The following RAD51B variants were observed in gnomAD, a reference collection of about 807,000 sequenced individuals.
RAD51B encodes RAD51 paralog B.
In RAD51B, 38 loss-of-function variants were observed where a neutral mutation model predicts 42.2. That is an observed-to-expected ratio of 0.90 (90% CI 0.70 to 1.18). The LOEUF (loss-of-function observed/expected upper bound fraction) is 1.18. RAD51B is among the 50% of genes most tolerant of loss of function. The probability of loss-of-function intolerance (pLI) is 0.00; values close to 1 mark genes in which losing one functional copy is unlikely to be tolerated. For synonymous variants in RAD51B, 154 were observed against 145.2 expected (o/e 1.06, Z -0.43); for missense variants, 373 against 400.7 (o/e 0.93, Z 0.59).
chr14:67,882,236 G>A (rs2042929470), intron 5 of RAD51B, among the ~76,000 whole-genome samples: 1 of 152,076 alleles, frequency 6.6e-6, no homozygotes, highest in Non-Finnish European at 1.5e-5. Flanking sequence ...GCCTCCTAAA[G>A]TGTTGGGATT....
At chr14:68,355,540 C>T (rs2082882152) in intron 8 of RAD51B, among the ~76,000 whole-genome samples, 1 of 152,186 alleles carries the variant, frequency 6.6e-6, no homozygotes, top group Non-Finnish European at 1.5e-5. Context: ...GTAAATACCT[C>T]CCTGGAACCG....
chr14:68,551,010 G>A (rs1317744107), intron 10 of RAD51B, among the ~76,000 whole-genome samples: 1 of 152,142 alleles, frequency 6.6e-6, no homozygotes, highest in African/African-American at 2.4e-5. Flanking sequence ...GGGTACAAAA[G>A]TTTCAAATTA....
At chr14:68,638,519 C>T (rs1892386611) in intron 10 of RAD51B, among the ~76,000 whole-genome samples, 1 of 152,078 alleles carries the variant, frequency 6.6e-6, no homozygotes, top group Non-Finnish European at 1.5e-5. Flanking sequence ...GATGGATGAG[C>T]TGGTTGTGTA....
intron 10 of RAD51B, among the ~76,000 whole-genome samples, chr14:68,640,153 G>A (rs573579795): frequency 9.2e-5 from 14 of 152,242 alleles, no homozygotes; most frequent in South Asian, 8.3e-4. Context: ...AATACTTTCC[G>A]TAAGCACATC....
At chr14:67,991,877 A>C (rs2075301918) in intron 7 of RAD51B, among the ~76,000 whole-genome samples, 1 of 152,198 alleles carries the variant, frequency 6.6e-6, no homozygotes, top group African/African-American at 2.4e-5. Flanking sequence ...GCAAGATAAA[A>C]TTTACTGAGA....
intron 7 of RAD51B, among the ~76,000 whole-genome samples, chr14:67,960,413 T>C (rs1042301726): frequency 2.6e-5 from 4 of 152,212 alleles, no homozygotes; most frequent in African/African-American, 9.6e-5. Flanking sequence ...AAGAAGACTC[T>C]TGTTGTTTTC....
intron 7 of RAD51B, among the ~76,000 whole-genome samples, chr14:68,286,852 G>A (rs2081423462): frequency 6.6e-6 from 1 of 152,242 alleles, no homozygotes; most frequent in Admixed American, 6.5e-5. Context: ...ACATAGACTG[G>A]CAGAGAGTTG....
At chr14:68,040,926 GT>G (rs2076207964) in intron 7 of RAD51B, among the ~76,000 whole-genome samples, 1 of 152,172 alleles carries the variant, frequency 6.6e-6, no homozygotes, top group African/African-American at 2.4e-5. Context: ...TCTGCCTCCC[GT>G]AGGAGAAGAT....
In RAD51B at chr14:67,835,204, A is replaced by G. The variant is rs181714884; in HGVS notation, c.315+8A>G. 419 of 1,599,720 alleles carry G rather than the reference A, an allele frequency of 2.6e-4. No homozygotes were observed. The African/African-American group carries it at 4.8e-3, about 18-fold the overall frequency. On this transcript the variant is annotated splice_region_variant and intron_variant, in intron 4 of 10. Transcript: ENST00000471583. ...TGTGGATCCCTCACAGAGGTAAAGGAAAAATTTTTCGTACCTTCTTCCATT... is the reference window on the plus strand; with the variant it reads ...TGTGGATCCCTCACAGAGGTAAAGGGAAAATTTTTCGTACCTTCTTCCATT...
chr14:67,986,798 C>T (rs2075202074), intron 7 of RAD51B, among the ~76,000 whole-genome samples: 2 of 152,134 alleles, frequency 1.3e-5, no homozygotes, highest in Non-Finnish European at 2.9e-5. Context: ...GTGGCGTGAT[C>T]TCGACTCACT....
Position 68,160,421 on chromosome 14 carries a change from G to A in RAD51B, c.757-131463G>A, listed in dbSNP as rs114714873. Among the ~76,000 whole-genome samples, 671 of 152,250 alleles carry A rather than the reference G, an allele frequency of 4.4e-3. 1 individual carries two copies. The highest frequency in any genetic ancestry group is 0.017 in the Middle Eastern group (5 of 294). On this transcript the variant is annotated intron_variant, in intron 7 of 10. Transcript: ENST00000471583. ...GCCACTCAAGTGCAGTCAGGTCTTTGATGCTATTTGTGAACACCAAATATG... is the reference window on the plus strand; with the variant it reads ...GCCACTCAAGTGCAGTCAGGTCTTTAATGCTATTTGTGAACACCAAATATG...
chr14:68,525,795 C>T (rs1460021761), intron 10 of RAD51B, among the ~76,000 whole-genome samples: 1 of 152,212 alleles, frequency 6.6e-6, no homozygotes, highest in African/African-American at 2.4e-5. Context: ...CCAGCCACAA[C>T]TTCAATGAGC....
At chr14:68,326,462 G>T (rs565122599) in intron 8 of RAD51B, among the ~76,000 whole-genome samples, 139 of 152,290 alleles carry the variant, frequency 9.1e-4, no homozygotes, top group Non-Finnish European at 1.7e-3. Context: ...AAAAGAAAGG[G>T]TGACAGGTTG....
intron 3 of RAD51B, among the ~76,000 whole-genome samples, chr14:67,834,774 A>G (rs998837239): frequency 1.3e-5 from 2 of 152,134 alleles, no homozygotes; most frequent in African/African-American, 4.8e-5. Flanking sequence ...TGTATCAGTT[A>G]TACTTTCCCT....
chr14:68,324,959 A>T (rs2082222371), intron 8 of RAD51B, among the ~76,000 whole-genome samples: 1 of 152,206 alleles, frequency 6.6e-6, no homozygotes, highest in Non-Finnish European at 1.5e-5. Context: ...TATGTCTCTG[A>T]GTCTCCCACA....
At chr14:68,292,773 C>T (rs953841823) in intron 8 of RAD51B, among the ~76,000 whole-genome samples, 2 of 152,318 alleles carry the variant, frequency 1.3e-5, no homozygotes, top group South Asian at 4.1e-4. Context: ...TTCTGCAGAT[C>T]AGCTTTGCTT....
intron 8 of RAD51B, among the ~76,000 whole-genome samples, chr14:68,353,182 G>A (rs534927508): frequency 1.3e-5 from 2 of 152,268 alleles, no homozygotes; most frequent in South Asian, 4.1e-4. Context: ...CCTGAGGACA[G>A]TCCTGATTTG....
intron 10 of RAD51B, among the ~76,000 whole-genome samples, chr14:68,560,268 G>A (rs1889075136): frequency 6.6e-6 from 1 of 151,902 alleles, no homozygotes; most frequent in Non-Finnish European, 1.5e-5. Context: ...TTGGAGAGGC[G>A]GAAAAAAAAT....
chr14:68,274,974 A>G (rs548566050), intron 7 of RAD51B, among the ~76,000 whole-genome samples: 8 of 152,348 alleles, frequency 5.3e-5, no homozygotes, highest in South Asian at 2.1e-4. Context: ...ATGTCTGACT[A>G]TATCACCTTT....
Sources: allele counts gnomAD v4.1 joint callset (sites outside exome capture counted in the v4.1 genomes callset), GRCh38; gene constraint gnomAD v4.1.1; transcripts MANE v1.5; gene names NCBI Gene and HGNC (gene_info 2026-07-23, HGNC 2026-07-21).